IRF3: variants seen among roughly 807,000 people sequenced by gnomAD.
The protein encoded by IRF3 is interferon regulatory factor 3.
Under a neutral mutation model 43.2 loss-of-function variants are expected in IRF3, and 29 were observed. That is an observed-to-expected ratio of 0.67 (90% CI 0.50 to 0.91). The LOEUF (loss-of-function observed/expected upper bound fraction) is 0.91. IRF3 is among the 40% of genes least tolerant of loss of function. The pLI, the probability that IRF3 is intolerant of heterozygous loss-of-function variation, is 0.00. For missense variants in IRF3, 505 were observed against 559.1 expected (o/e 0.90, Z 0.98); for synonymous variants, 228 against 233.9 (o/e 0.97, Z 0.23).
Position 49,659,901 on chromosome 19 carries a change from G to A in IRF3, c.1099-68C>T, listed in dbSNP as rs992464137. ...CACTGTCCACCAAGGTAGGAGTCAG[G>A]GCTTGGAGGACTACAACTCCCTGCA... On this transcript the variant is annotated intron_variant, in intron 7 of 7. Coordinates refer to ENST00000377139, the MANE Select transcript of IRF3 (RefSeq NM_001571.6). 17 of 1,503,382 alleles carry A rather than the reference G, an allele frequency of 1.1e-5. No individual in the cohort carries two copies. In the African/African-American group the frequency reaches 2.1e-4, roughly 19 times the overall value. The allele number at this position is 1,503,382 out of a possible 1,614,324, so 93.1% of individuals were successfully genotyped here.
intron 5 of IRF3, 40 bp from the exon 6 acceptor site, chr19:49,662,368 G>A: frequency 6.2e-7 from 1 of 1,606,016 alleles, no homozygotes; most frequent in Non-Finnish European, 8.5e-7. Context: ...GAGAGGGGTT[G>A]AGAATCAGGG....
rs1189813077 is a variant in IRF3, at chr19:49,660,719, C to T, written c.1092G>A (p.Met364Ile). The T allele has an allele frequency of 1.3e-6, 2 of 1,598,136 alleles. No homozygotes were observed. Among genetic ancestry groups the T allele is most frequent in the South Asian group, 2.3e-5 (2 of 87,944 alleles). Residue 364 changes from methionine (M) to isoleucine (I), a missense_variant, in exon 7 of 8, where the codon ATG becomes ATA. Met to Ile is a conservative substitution (Grantham distance 10). Transcript: ENST00000377139. ...GACTCAGGTCTGCAGGCACCTTGAC[C>T]ATCACGAGCCTCTTGGTCCACGGCT... The part of the protein sequence containing the change: ...QDQPWTKRLV[M>I]VKVVPTCLRA...
At chr19:49,665,466 AGTTTTTCTG>A (rs1251160440) in intron 1 of IRF3, 156 bp downstream of exon 1, 5 of 205,678 alleles carry the variant, frequency 2.4e-5, no homozygotes, top group Middle Eastern at 1.9e-3. Context: ...TACTTTTTCT[AGTTTTTCTG>A]CAGCCGACCT....
rs889238469 is a variant in IRF3, at chr19:49,659,726, G to A, written c.1206C>T (p.Ser402=). The change falls in exon 8 of 8, where the codon TCC becomes TCT. Residue 402 remains serine (S), a synonymous_variant. Coordinates refer to ENST00000377139, the MANE Select transcript of IRF3 (RefSeq NM_001571.6). ...DLHISNSHPL[S]LTSDQYKAYL... ...AGGCCTTGTACTGGTCGGAGGTGAG[G>A]GAGAGTGGGTGGCTGTTGGAAATGT... The A allele has an allele frequency of 1.9e-6, 3 of 1,613,930 alleles. No homozygotes were observed. The highest frequency in any genetic ancestry group is 1.7e-6 in the Non-Finnish European group (2 of 1,179,918).
intron 7 of IRF3, 43 bp from the exon 8 acceptor site, chr19:49,659,876 C>T (rs2081203741): frequency 6.5e-7 from 1 of 1,540,042 alleles, no homozygotes; most frequent in East Asian, 2.3e-5. Flanking sequence ...AACACCCAGC[C>T]ACTGTCCACC....
At chr19:49,664,390 C>G (rs2081529813) in intron 2 of IRF3, 2 of 1,309,742 alleles carry the variant, frequency 1.5e-6, no homozygotes, top group Admixed American at 2.1e-5. Context: ...ACCAAGAGCC[C>G]CGGCCTCTAG....
chr19:49,664,411 A>C, intron 2 of IRF3: 2 of 1,437,420 alleles, frequency 1.4e-6, no homozygotes, highest in Non-Finnish European at 9.3e-7. Context: ...AAAGCCCCAA[A>C]CCCCCAGGAT....
rs781070402 is a variant in IRF3, at chr19:49,661,961, C to T, written c.969G>A (p.Gly323=). The T allele has an allele frequency of 6.2e-7, 1 of 1,609,692 alleles. No homozygotes were observed. The highest frequency in any genetic ancestry group is 1.7e-5 in the Admixed American group (1 of 59,782). The change falls in exon 6 of 8, where the codon GGG becomes GGA. Residue 323 remains glycine, a synonymous_variant. Coordinates refer to ENST00000377139, the MANE Select transcript of IRF3 (RefSeq NM_001571.6). ...KDKEGGVFDL[G]PFIVDLITFT... Reference sequence around the variant, plus strand: ...TGTCTCACTCACCTACAATGAAGGGCCCCAGGTCAAACACGCCTCCTTCCT... The same window carrying T: ...TGTCTCACTCACCTACAATGAAGGGTCCCAGGTCAAACACGCCTCCTTCCT...
chr19:49,663,658 G>T, intron 2 of IRF3, 144 bp from the exon 3 acceptor site: 1 of 715,188 alleles, frequency 1.4e-6, no homozygotes, highest in Non-Finnish European at 2.2e-6. Context: ...AAATCCCCCC[G>T]TCCCACCTAC....
Position 49,664,704 on chromosome 19 carries a change from A to G in IRF3, c.135T>C (p.Asp45=). 6.2e-7 allele frequency: 1 copy of G among 1,613,938 alleles called. No individual in the cohort carries two copies. Among genetic ancestry groups the G allele is most frequent in the South Asian group, 1.1e-5 (1 of 91,080 alleles). ...RIPWKHGLRQ[D]AQQEDFGIFQ... is the part of the protein sequence containing the mutation. ...AGATTCCGAAATCCTCCTGCTGTGC[A>G]TCCTGCCGTAGGCCGTGCTTCCAAG... Residue 45 remains aspartate (D), a synonymous_variant, in exon 2 of 8, where the codon GAT becomes GAC. Transcript: ENST00000377139.
chr19:49,659,862 G>A (rs370254728), intron 7 of IRF3, 29 bp from the exon 8 acceptor site: 73 of 1,549,382 alleles, frequency 4.7e-5, no homozygotes, highest in Non-Finnish European at 6.1e-5. Flanking sequence ...CAGGAGTCAG[G>A]GAAAACACCC....
chr19:49,665,669 C>A lies in IRF3; in HGVS notation c.-47G>T. 1 of 1,021,098 alleles carries A rather than the reference C, an allele frequency of 9.8e-7. No homozygotes were observed. Among genetic ancestry groups the A allele is most frequent in the Non-Finnish European group, 1.4e-6 (1 of 713,056 alleles). The allele number at this position is 1,021,098 out of a possible 1,614,324, so 63.3% of individuals were successfully genotyped here. A position where few individuals can be genotyped will look rare whatever the true frequency, so the allele number is the denominator to read the frequency against. On this transcript the variant is annotated 5_prime_UTR_variant, in exon 1 of 8. Transcript: ENST00000377139. ...TCGGGGCGTGCGGGCAGCTGGAACCCACCCCTGTCTTGGAGCTCCGGGTAG... is the reference window on the plus strand; with the variant it reads ...TCGGGGCGTGCGGGCAGCTGGAACCAACCCCTGTCTTGGAGCTCCGGGTAG...
intron 4 of IRF3, 60 bp downstream of exon 4, chr19:49,663,128 G>C (rs1248062705): frequency 5.6e-6 from 8 of 1,429,358 alleles, no homozygotes; most frequent in Admixed American, 1.7e-5. Flanking sequence ...AGAGGGAGAG[G>C]ACAAGGCCCA....
At chr19:49,661,897 A>T in intron 6 of IRF3, 51 bp downstream of exon 6, 1 of 1,544,972 alleles carries the variant, frequency 6.5e-7, no homozygotes, top group Non-Finnish European at 8.8e-7. Flanking sequence ...GTTGTTAACC[A>T]CTGTGCAGGC....
At chr19:49,664,465 G>T in intron 2 of IRF3, 2 of 1,527,254 alleles carry the variant, frequency 1.3e-6, no homozygotes, top group Non-Finnish European at 1.8e-6. Context: ...TTTTATTCCC[G>T]TAACCCTGCA....
At position 49,662,461 on chromosome 19, in the gene IRF3, C is replaced by T. The variant is rs947514397; in HGVS notation, c.565G>A (p.Glu189Lys). 6.3e-7 allele frequency: 1 copy of T among 1,593,718 alleles called. No individual in the cohort carries two copies. The highest frequency in any genetic ancestry group is 8.5e-7 in the Non-Finnish European group (1 of 1,170,922). ...ACCAACAGCCGCTTCAGTGGGTTCT[C>T]AGAGGGCCCCAGGTTTGGGAAGGGA... ...PTPFPNLGPS[E>K]NPLKRLLVPG... is the part of the protein sequence containing the mutation. The change falls in exon 5 of 8, where the codon GAG (glutamate) becomes AAG (lysine). Residue 189 changes from glutamate to lysine, a missense_variant. Glu to Lys is a moderately conservative substitution (Grantham distance 56, BLOSUM62 1). Transcript: ENST00000377139.
Position 49,664,662 on chromosome 19 carries a change from C to T in IRF3, c.165+12G>A. 1 of 1,611,052 alleles carries T rather than the reference C, an allele frequency of 6.2e-7. No homozygotes were observed. Among genetic ancestry groups the T allele is most frequent in the Non-Finnish European group, 8.5e-7 (1 of 1,177,650 alleles). On this transcript the variant is annotated intron_variant, in intron 2 of 7. Coordinates refer to ENST00000377139, the MANE Select transcript of IRF3 (RefSeq NM_001571.6). The stretch of plus-strand genomic sequence containing the variant: ...GCTCCGGGTTTCCAGCGTCCCAGGT[C>T]GTCGCACGCACCTGGAAGATTCCGA...
At position 49,664,648 on chromosome 19, in the gene IRF3, C is replaced by T. The variant is rs750041763; in HGVS notation, c.165+26G>A. The T allele has an allele frequency of 5.0e-6, 8 of 1,609,662 alleles. No individual in the cohort carries two copies. In the Admixed American group the frequency reaches 1.3e-4, roughly 27 times the overall value. ...CCGCCCAGCGCGCAGCTCCGGGTTTCCAGCGTCCCAGGTCGTCGCACGCAC... is the reference window on the plus strand; with the variant it reads ...CCGCCCAGCGCGCAGCTCCGGGTTTTCAGCGTCCCAGGTCGTCGCACGCAC... On this transcript the variant is annotated intron_variant, in intron 2 of 7. Transcript: ENST00000377139.
intron 7 of IRF3, 146 bp from the exon 8 acceptor site, chr19:49,659,979 A>C (rs2081209637): frequency 1.8e-6 from 1 of 562,790 alleles, no homozygotes; most frequent in Non-Finnish European, 3.1e-6. Context: ...TGGGAGTTGT[A>C]GTTTTACACA....
Sources: gnomAD v4.1 joint callset for allele counts on GRCh38, gnomAD v4.1.1 for gene constraint, MANE v1.5 for transcripts, NCBI Gene and HGNC (gene_info 2026-07-23, HGNC 2026-07-21) for gene names.